The following FMO5 variants were observed in gnomAD, a reference collection of about 807,000 sequenced individuals.
FMO5 encodes the protein flavin-containing monooxygenase 5.
In FMO5, 51 loss-of-function variants were observed where a neutral mutation model predicts 43.6. The ratio of observed to expected loss-of-function variants is 1.17; its 90% CI spans 0.93 to 1.48. The LOEUF is 1.48. Ranked by LOEUF, FMO5 falls within the 40% of genes most tolerant of loss-of-function variation. The pLI, the probability that FMO5 is intolerant of heterozygous loss-of-function variation, is 0.00. For missense variants in FMO5, 644 were observed against 643.0 expected (o/e 1.00, Z -0.02); for synonymous variants, 187 against 216.5 (o/e 0.86, Z 1.20).
chr1:147,190,641 G>A (rs1413417537), intron 7 of FMO5, among the ~76,000 whole-genome samples: 1 of 151,932 alleles, frequency 6.6e-6, no homozygotes, highest in Non-Finnish European at 1.5e-5. Context: ...GATAACAAAG[G>A]GACCTTATAT....
chr1:147,205,388 T>C (rs1186687245), intron 6 of FMO5, among the ~76,000 whole-genome samples: 2 of 152,204 alleles, frequency 1.3e-5, no homozygotes, highest in Non-Finnish European at 2.9e-5. Flanking sequence ...ACTGACATAA[T>C]GTGGTTCTTG....
At chr1:147,192,173 C>T (rs1331145824) in intron 7 of FMO5, among the ~76,000 whole-genome samples, 2 of 151,996 alleles carry the variant, frequency 1.3e-5, no homozygotes, top group Non-Finnish European at 2.9e-5. Context: ...TCTTTGTATC[C>T]TCTTTTATTT....
chr1:147,201,157 A>C lies in FMO5; in HGVS notation c.1178T>G (p.Phe393Cys). The C allele has an allele frequency of 6.2e-7, 1 of 1,608,670 alleles. No individual in the cohort carries two copies. Among genetic ancestry groups the C allele is most frequent in the Non-Finnish European group, 8.5e-7 (1 of 1,176,812 alleles). ...CTATTTGCATGGTCACTTACCTTTAAATACCTGAGTGGCCCAGCGTCCTTG... is the reference window on the plus strand; with the variant it reads ...CTATTTGCATGGTCACTTACCTTTACATACCTGAGTGGCCCAGCGTCCTTG... ...ELQGRWATQVFKGLKTLPSQS... is the reference protein window; with the variant it reads ...ELQGRWATQVCKGLKTLPSQS... Residue 393 changes from phenylalanine (F) to cysteine (C), a missense_variant, in exon 7 of 9, where the codon TTT (phenylalanine) becomes TGT (cysteine). Physicochemically the swap from Phe to Cys is radical, Grantham distance 205. Coordinates refer to ENST00000254090, the MANE Select transcript of FMO5 (RefSeq NM_001461.4).
At chr1:147,204,984 AC>A (rs1185017832) in intron 6 of FMO5, 12 of 1,077,916 alleles carry the variant, frequency 1.1e-5, no homozygotes, top group Non-Finnish European at 1.6e-5. Context: ...CCGCGGAGGA[AC>A]CAAAGGTTTT....
chr1:147,212,428 C>G lies in FMO5; in HGVS notation c.595G>C (p.Asp199His), dbSNP rs782766791. ...IIIGIGNSGG[D>H]LAVEISQTAK... ...GTTTGGCTAATCTCTACAGCCAGAT[C>G]CCCTCCAGAATTCCCAATGCCAATT... Residue 199 changes from aspartate to histidine, a missense_variant, in exon 5 of 9, where the codon GAT (aspartate) becomes CAT (histidine). Coordinates refer to ENST00000254090, the MANE Select transcript of FMO5 (RefSeq NM_001461.4). 26 of 1,613,946 alleles carry G rather than the reference C, an allele frequency of 1.6e-5. No individual in the cohort carries two copies. The highest frequency in any genetic ancestry group is 4.0e-5 in the African/African-American group (3 of 74,920).
intron 3 of FMO5, among the ~76,000 whole-genome samples, chr1:147,213,782 G>A (rs1276131659): frequency 6.6e-6 from 1 of 152,100 alleles, no homozygotes; most frequent in East Asian, 1.9e-4. Flanking sequence ...GGCTTCTCCT[G>A]TGCTTTTATG....
intron 8 of FMO5, among the ~76,000 whole-genome samples, chr1:147,189,758 G>A (rs12046706): frequency 1.3e-5 from 2 of 151,832 alleles, no homozygotes; most frequent in African/African-American, 2.4e-5. Flanking sequence ...CCAGCAAAGC[G>A]GCCACTGCAG....
At chr1:147,194,196 T>C (rs1435488434) in intron 7 of FMO5, among the ~76,000 whole-genome samples, 5 of 152,204 alleles carry the variant, frequency 3.3e-5, no homozygotes, top group Non-Finnish European at 7.3e-5. Context: ...TGCTCCTGCA[T>C]TGGGTGCATA....
At chr1:147,202,956 A>G (rs1443742739) in intron 6 of FMO5, among the ~76,000 whole-genome samples, 6 of 152,220 alleles carry the variant, frequency 3.9e-5, no homozygotes, top group African/African-American at 1.4e-4. Flanking sequence ...AGATGATACA[A>G]TTGTCTTTAG....
chr1:147,185,344 A>G (rs1553916836), downstream of FMO5, among the ~76,000 whole-genome samples: 2 of 152,286 alleles, frequency 1.3e-5, no homozygotes, highest in East Asian at 1.9e-4. Context: ...AGAGAAATTT[A>G]TATGTTAAAA....
intron 2 of FMO5, among the ~76,000 whole-genome samples, chr1:147,218,125 A>G (rs1334771055): frequency 1.3e-5 from 2 of 152,240 alleles, no homozygotes; most frequent in African/African-American, 4.8e-5. Context: ...AAAATAATAT[A>G]AAGTCAAATG....
intron 6 of FMO5, 185 bp downstream of exon 6, chr1:147,208,667 G>C: frequency 2.0e-6 from 1 of 498,168 alleles, no homozygotes; most frequent in Non-Finnish European, 3.7e-6. Context: ...TCAAACTCCT[G>C]AGCTCAGGTG....
At position 147,187,157 on chromosome 1, in the gene FMO5, G is replaced by T. The variant is rs782603045; in HGVS notation, c.1345C>A (p.Leu449Met). 1 of 1,614,142 alleles carries T rather than the reference G, an allele frequency of 6.2e-7. No individual in the cohort carries two copies. The highest frequency in any genetic ancestry group is 8.5e-7 in the Non-Finnish European group (1 of 1,180,034). ...GGGTCAGTGAAGGCCAGAGACAGCA[G>T]ATTGGGCCTGACCCCCACCAAATCA... is the stretch of plus-strand genomic sequence containing the variant. ...LADLVGVRPN[L>M]LSLAFTDPKL... The change falls in exon 9 of 9, where the codon CTG becomes ATG. Residue 449 changes from leucine (L) to methionine (M), a missense_variant. Coordinates refer to ENST00000254090, the MANE Select transcript of FMO5 (RefSeq NM_001461.4).
At chr1:147,202,342 G>A (rs28381205) in intron 6 of FMO5, among the ~76,000 whole-genome samples, 4,762 of 9,556 alleles carry the variant, frequency 0.5, 201 homozygotes, top group South Asian at 0.53. Context: ...TTTTGAGACA[G>A]AGTCTCTACT....
chr1:147,222,403 G>T (rs1250418165), intron 2 of FMO5, among the ~76,000 whole-genome samples: 1 of 152,046 alleles, frequency 6.6e-6, no homozygotes, highest in Non-Finnish European at 1.5e-5. Flanking sequence ...GATGGAAGTT[G>T]GGGAAATTGG....
intron 3 of FMO5, chr1:147,215,114 TAGAGC>T (rs1553924678): frequency 1.3e-5 from 2 of 152,192 alleles, no homozygotes. Flanking sequence ...TAGAATACTT[TAGAGC>T]AGGAAGGAAC....
intron 5 of FMO5, chr1:147,211,495 A>C (rs1354672759): frequency 6.6e-6 from 1 of 152,220 alleles, no homozygotes; most frequent in African/African-American, 2.4e-5. Context: ...TTTTCAAACA[A>C]AGTTGCTGAG....
chr1:147,203,787 T>A, intron 6 of FMO5: 1 of 1,546,392 alleles, frequency 6.5e-7, no homozygotes, highest in Non-Finnish European at 8.9e-7. Flanking sequence ...TCCATCAGAT[T>A]GTCTGTAGAG....
At chr1:147,217,920 C>T (rs370722911) in intron 2 of FMO5, among the ~76,000 whole-genome samples, 22 of 152,292 alleles carry the variant, frequency 1.4e-4, no homozygotes, top group African/African-American at 5.3e-4. Flanking sequence ...TTCCCCACAG[C>T]ATCCACAATG....
Sources: gnomAD v4.1 joint callset for allele counts (sites outside exome capture counted in the v4.1 genomes callset) on GRCh38, gnomAD v4.1.1 for gene constraint, MANE v1.5 for transcripts, NCBI Gene and HGNC (gene_info 2026-07-23, HGNC 2026-07-21) for gene names.